The following RBM23 variants were observed in gnomAD, a reference collection of about 807,000 sequenced individuals.
The protein encoded by RBM23 is probable RNA-binding protein 23.
Under a neutral mutation model 56.2 loss-of-function variants are expected in RBM23, and 53 were observed. That is an observed-to-expected ratio of 0.94 (90% CI 0.76 to 1.19). The LOEUF (loss-of-function observed/expected upper bound fraction) is 1.19, where lower values mean the gene tolerates loss of function less well. RBM23 is among the 50% of genes most tolerant of loss of function. The pLI is 0.00. For synonymous variants in RBM23, 197 were observed against 198.5 expected (o/e 0.99, Z 0.06); for missense variants, 642 against 590.3 (o/e 1.09, Z -0.91).
At chr14:22,909,059 C>T (rs2042041876) in intron 3 of RBM23, among the ~76,000 whole-genome samples, 1 of 151,870 alleles carries the variant, frequency 6.6e-6, no homozygotes, top group Non-Finnish European at 1.5e-5. Context: ...TCTCCTGCCT[C>T]AGCCTCCTGA....
intron 1 of RBM23, chr14:22,917,246 T>G (rs2043687820): frequency 6.6e-6 from 1 of 152,206 alleles, no homozygotes; most frequent in Non-Finnish European, 1.5e-5. Context: ...TGTTATGAAC[T>G]ATTTTTTACA....
chr14:22,915,701 G>T (rs1360203242), intron 1 of RBM23, among the ~76,000 whole-genome samples: 2 of 151,324 alleles, frequency 1.3e-5, no homozygotes, highest in African/African-American at 4.9e-5. Context: ...TCACCATGTT[G>T]GCCAGGCTGG....
intron 12 of RBM23, 36 bp downstream of exon 12, chr14:22,901,944 C>T (rs1240239460): frequency 9.3e-6 from 15 of 1,611,888 alleles, no homozygotes; most frequent in Admixed American, 3.3e-5. Flanking sequence ...TTCCAGACCC[C>T]CAAACCTTCC....
intron 10 of RBM23, chr14:22,902,903 T>C (rs758995270): frequency 1.3e-5 from 9 of 700,608 alleles, no homozygotes; most frequent in Non-Finnish European, 1.4e-5. Flanking sequence ...GCCTCCCGAG[T>C]AGCTGGAATT....
chr14:22,906,336 C>T lies in RBM23; in HGVS notation c.260G>A (p.Arg87Lys). The T allele has an allele frequency of 1.2e-6, 2 of 1,614,208 alleles. No homozygotes were observed. Among genetic ancestry groups the T allele is most frequent in the South Asian group, 1.1e-5 (1 of 91,082 alleles). The change falls in exon 5 of 14, where the codon AGA becomes AAA. Residue 87 changes from arginine to lysine, a missense_variant. Arg to Lys is a conservative substitution (Grantham distance 26). Transcript: ENST00000359890. ...RSRDRDRYRR[R>K]NSRSRSPGRQ... Reference sequence around the variant, plus strand: ...ACCTGGACTTCGGCTCCGACTATTTCTCCGTCTATACCGATCCCGATCTCG... The same window carrying T: ...ACCTGGACTTCGGCTCCGACTATTTTTCCGTCTATACCGATCCCGATCTCG...
rs1312511090 is a variant in RBM23 at position 22,899,695 on chromosome 14, AAT to A, written c.*2033_*2034del. 2.0e-5 allele frequency: 3 copies of A among 151,732 alleles called. No individual in the cohort carries two copies. Among genetic ancestry groups the A allele is most frequent in the Non-Finnish European group, 4.4e-5 (3 of 67,692 alleles). 9.4% of individuals were successfully genotyped at this position (151,732 alleles called of 1,614,324 possible). A position where few individuals can be genotyped will look rare whatever the true frequency, so the allele number is the denominator to read the frequency against. On this transcript the variant is annotated 3_prime_UTR_variant, in exon 14 of 14. Coordinates refer to ENST00000359890, the MANE Select transcript of RBM23 (RefSeq NM_001077351.2). Reference sequence around the variant, plus strand: ...CCAGCCTACACCTCTTTTCTTTACAAATTAGTCTGTGCTATTGTTACAGAAGC... The same window carrying A: ...CCAGCCTACACCTCTTTTCTTTACAATAGTCTGTGCTATTGTTACAGAAGC...
At chr14:22,914,414 C>T (rs986540261) in intron 1 of RBM23, among the ~76,000 whole-genome samples, 2 of 151,722 alleles carry the variant, frequency 1.3e-5, no homozygotes, top group Non-Finnish European at 2.9e-5. Flanking sequence ...ATTGCTTGAA[C>T]CCAGAGGGCA....
rs79288471 is a variant in RBM23 at position 22,895,473 on chromosome 14, C to T, written c.*6257G>A. ...GACAGGTGCTTGGGGGAGGCTGAGA[C>T]GCTAAGGAAAGGGTGGTAACAGAGG... On this transcript the variant is annotated 3_prime_UTR_variant, in exon 14 of 14. Coordinates refer to ENST00000359890, the MANE Select transcript of RBM23 (RefSeq NM_001077351.2). 1,293 of 152,144 alleles carry T rather than the reference C, an allele frequency of 8.5e-3. 8 individuals are homozygous for T. The highest frequency in any genetic ancestry group is 0.013 in the Non-Finnish European group (905 of 68,044). The allele number at this position is 152,144 out of a possible 1,614,324, so 9.4% of individuals were successfully genotyped here.
intron 3 of RBM23, 138 bp from the exon 4 acceptor site, chr14:22,908,518 G>A (rs1236737175): frequency 3.5e-6 from 3 of 849,768 alleles, no homozygotes; most frequent in Non-Finnish European, 5.3e-6. Context: ...TTAGCCTCCT[G>A]AGTAGCTGGG....
At chr14:22,903,061 T>C (rs2040893524) in intron 10 of RBM23, 14 of 984,744 alleles carry the variant, frequency 1.4e-5, no homozygotes, top group African/African-American at 1.7e-5. Context: ...GGATTACAGG[T>C]GTGAGCCACC....
intron 1 of RBM23, among the ~76,000 whole-genome samples, chr14:22,915,496 C>CT (rs71115587): frequency 0.061 from 7,566 of 123,958 alleles, 474 homozygotes; most frequent in African/African-American, 0.15. Flanking sequence ...CCATGCCTGG[C>CT]TTTTTTTTTT....
chr14:22,911,313 G>C lies in RBM23; in HGVS notation c.66+15C>G. 6.2e-7 allele frequency: 1 copy of C among 1,611,026 alleles called. No homozygotes were observed. The highest frequency in any genetic ancestry group is 8.5e-7 in the Non-Finnish European group (1 of 1,177,692). On this transcript the variant is annotated intron_variant, in intron 2 of 13. Coordinates refer to ENST00000359890, the MANE Select transcript of RBM23 (RefSeq NM_001077351.2). ...CTCATTAACCCAATTCCAGGAGTGA[G>C]GTGGAAAATATTACCTCTTCTTTTT...
intron 1 of RBM23, among the ~76,000 whole-genome samples, chr14:22,912,211 G>T (rs1342792229): frequency 6.6e-6 from 1 of 152,148 alleles, no homozygotes; most frequent in African/African-American, 2.4e-5. Context: ...GGCACATTAT[G>T]TCCAATAAAA....
chr14:22,917,929 G>A, intron 1 of RBM23: 1 of 152,360 alleles, frequency 6.6e-6, no homozygotes, highest in Non-Finnish European at 1.5e-5. Flanking sequence ...AATTCGGGAA[G>A]AATTCACGAA....
At chr14:22,904,111 A>G in intron 10 of RBM23, 150 bp downstream of exon 10, 1 of 1,543,610 alleles carries the variant, frequency 6.5e-7, no homozygotes, top group Non-Finnish European at 8.7e-7. Context: ...CACTCATCTC[A>G]AGGGGTAGAA....
chr14:22,910,151 CAAAAAAAAAAA>C (rs532892000), intron 2 of RBM23, among the ~76,000 whole-genome samples: 6 of 16,704 alleles, frequency 3.6e-4, no homozygotes, highest in South Asian at 0.01. Context: ...GACTCTGTCT[CAAAAAAAAAAA>C]AAAAAAAAAA....
chr14:22,906,046 G>C, intron 5 of RBM23, 149 bp downstream of exon 5: 2 of 966,064 alleles, frequency 2.1e-6, no homozygotes, highest in South Asian at 1.7e-5. Flanking sequence ...CACCACACCA[G>C]TAAATTTTGA....
chr14:22,901,987 A>G lies in RBM23; in HGVS notation c.1239T>C (p.Ala413=). 3.7e-6 allele frequency: 6 copies of G among 1,612,058 alleles called. No homozygotes were observed. Among genetic ancestry groups the G allele is most frequent in the Non-Finnish European group, 5.1e-6 (6 of 1,178,528 alleles). ...TCCCATGTCCAAGACTACCAGTCAG[A>G]GCTGCTGGATTCAGGGCCCCCAAGG... is the stretch of plus-strand genomic sequence containing the variant. ...AVPLGALNPA[A]LTALSPALNL... The change falls in exon 12 of 14, where the codon GCT becomes GCC. Residue 413 remains alanine, a synonymous_variant. Transcript: ENST00000359890.
rs567768120 is a variant in RBM23 at position 22,900,680 on chromosome 14, A to G, written c.*1050T>C. On this transcript the variant is annotated 3_prime_UTR_variant, in exon 14 of 14. Coordinates refer to ENST00000359890, the MANE Select transcript of RBM23 (RefSeq NM_001077351.2). Reference sequence around the variant, plus strand: ...AATGTTTTATATCCCTAGAAACATCATAAGTTGGGCTAATGAGAAGTTGTC... The same window carrying G: ...AATGTTTTATATCCCTAGAAACATCGTAAGTTGGGCTAATGAGAAGTTGTC... 37 of 152,350 alleles carry G rather than the reference A, an allele frequency of 2.4e-4. No homozygotes were observed. The highest frequency in any genetic ancestry group is 7.7e-4 in the African/African-American group (32 of 41,570). The allele number at this position is 152,350 out of a possible 1,614,324, so 9.4% of individuals were successfully genotyped here.
Sources: gnomAD v4.1 joint callset for allele counts (sites outside exome capture counted in the v4.1 genomes callset) on GRCh38, gnomAD v4.1.1 for gene constraint, MANE v1.5 for transcripts, NCBI Gene and HGNC (gene_info 2026-07-23, HGNC 2026-07-21) for gene names.